The following ZUP1 variants were observed in gnomAD, a reference collection of about 807,000 sequenced individuals.
ZUP1 encodes the protein zinc finger-containing ubiquitin peptidase 1.
In ZUP1, 55 loss-of-function variants were observed where a neutral mutation model predicts 68.1. That is an observed-to-expected ratio of 0.81 (90% confidence interval 0.65 to 1.01). The LOEUF (loss-of-function observed/expected upper bound fraction) is 1.01, where lower values mean the gene tolerates loss of function less well. Among genes scored for constraint, ZUP1 ranks in the 50% least tolerant of loss-of-function variants. The pLI, the probability that ZUP1 is intolerant of heterozygous loss-of-function variation, is 0.00. For missense variants in ZUP1, 684 were observed against 674.9 expected, an observed-to-expected ratio of 1.01 and a Z score of -0.15; for synonymous variants, 223 against 221.5, an observed-to-expected ratio of 1.01 and a Z score of -0.06.
chr6:116,657,021 ACAC>A (rs772769416), intron 4 of ZUP1, among the ~76,000 whole-genome samples, 169 bp from the exon 5 acceptor site: 4,049 of 149,710 alleles, frequency 0.027, 169 homozygotes, highest in African/African-American at 0.084. Flanking sequence ...ACACACACAC[ACAC>A]AAAAAAAAAT....
chr6:116,656,630 A>C, intron 5 of ZUP1, 54 bp downstream of exon 5: 1 of 1,335,998 alleles, frequency 7.5e-7, no homozygotes, highest in South Asian at 1.4e-5. Context: ...TCTGATTATT[A>C]CTTCAGTGGT....
At chr6:116,657,020 C>T (rs1776690117) in intron 4 of ZUP1, among the ~76,000 whole-genome samples, 168 bp from the exon 5 acceptor site, 2 of 142,464 alleles carry the variant, frequency 1.4e-5, no homozygotes, top group African/African-American at 5.8e-5. Flanking sequence ...CACACACACA[C>T]ACACAAAAAA....
chr6:116,642,953 A>C (rs1224865444), intron 9 of ZUP1, among the ~76,000 whole-genome samples: 2 of 152,242 alleles, frequency 1.3e-5, no homozygotes, highest in Admixed American at 1.3e-4. Flanking sequence ...GTCTCAGCCC[A>C]AAATCTCCTT....
chr6:116,655,239 C>A (rs998561686), intron 5 of ZUP1, among the ~76,000 whole-genome samples: 45 of 152,096 alleles, frequency 3.0e-4, no homozygotes, highest in African/African-American at 1.1e-3. Context: ...AGCTACAATT[C>A]ATACAAGGAA....
intron 5 of ZUP1, among the ~76,000 whole-genome samples, chr6:116,653,835 C>A (rs1312377189): frequency 6.6e-6 from 1 of 151,872 alleles, no homozygotes; most frequent in Non-Finnish European, 1.5e-5. Context: ...TGTTACATAT[C>A]AGATGGAGAG....
chr6:116,636,126 G>C (rs1380033379), intron 9 of ZUP1, among the ~76,000 whole-genome samples: 1 of 152,024 alleles, frequency 6.6e-6, no homozygotes, highest in Non-Finnish European at 1.5e-5. Flanking sequence ...CTTTTTTGTG[G>C]AATAATGAGT....
chr6:116,640,186 T>C lies in ZUP1; in HGVS notation c.1690-4307A>G, dbSNP rs1426841146. Among the ~76,000 whole-genome samples the C allele has an allele frequency of 2.6e-5, 4 of 152,142 alleles. No homozygotes were observed. The East Asian group carries it at 5.8e-4, about 22-fold the overall frequency. On this transcript the variant is annotated intron_variant, in intron 9 of 9. Transcript: ENST00000368576. ...AAAGCCTCCAAGAAATATGGGACTA[T>C]GTGAAAAGACCAAATCTACGTCTGA... is the stretch of plus-strand genomic sequence containing the variant.
At chr6:116,656,584 G>T in intron 5 of ZUP1, 100 bp downstream of exon 5, 1 of 902,324 alleles carries the variant, frequency 1.1e-6, no homozygotes, top group Non-Finnish European at 1.6e-6. Flanking sequence ...AAATATTTGT[G>T]CACAGATTAT....
chr6:116,642,240 C>T (rs901978197), intron 9 of ZUP1, among the ~76,000 whole-genome samples: 47 of 152,064 alleles, frequency 3.1e-4, no homozygotes, highest in Non-Finnish European at 5.6e-4. Flanking sequence ...GATTCACAGC[C>T]GAATTCTACC....
At chr6:116,636,548 A>G (rs957033674) in intron 9 of ZUP1, among the ~76,000 whole-genome samples, 1 of 152,192 alleles carries the variant, frequency 6.6e-6, no homozygotes, top group African/African-American at 2.4e-5. Flanking sequence ...AATTGCTCCA[A>G]CATCTAGAAC....
intron 9 of ZUP1, among the ~76,000 whole-genome samples, chr6:116,640,874 A>G (rs1776074874): frequency 6.6e-6 from 1 of 150,412 alleles, no homozygotes; most frequent in Non-Finnish European, 1.5e-5. Flanking sequence ...AAATGCTCCA[A>G]TTAAAAGACA....
chr6:116,644,675 T>A (rs1206748098), intron 9 of ZUP1, among the ~76,000 whole-genome samples: 1 of 149,750 alleles, frequency 6.7e-6, no homozygotes, highest in South Asian at 2.1e-4. Context: ...AACATCACAC[T>A]CTGGGGACTG....
chr6:116,653,857 T>C (rs958000486), intron 5 of ZUP1, among the ~76,000 whole-genome samples: 1 of 151,984 alleles, frequency 6.6e-6, no homozygotes, highest in Non-Finnish European at 1.5e-5. Context: ...AACACTGTCT[T>C]AGCAACATCA....
intron 2 of ZUP1, among the ~76,000 whole-genome samples, chr6:116,665,569 C>CTTTTT (rs753039436): frequency 2.7e-5 from 3 of 111,578 alleles, no homozygotes; most frequent in Non-Finnish European, 5.5e-5. Flanking sequence ...AAAAATTTTT[C>CTTTTT]TTTTTTTTTT....
At chr6:116,652,245 C>G (rs1262507288) in intron 5 of ZUP1, 53 bp from the exon 6 acceptor site, 4 of 1,412,916 alleles carry the variant, frequency 2.8e-6, no homozygotes, top group East Asian at 4.7e-5. Flanking sequence ...ATATTGCTAT[C>G]TCATACATTT....
At chr6:116,644,162 T>C (rs1486393914) in intron 9 of ZUP1, among the ~76,000 whole-genome samples, 7 of 152,172 alleles carry the variant, frequency 4.6e-5, no homozygotes, top group Non-Finnish European at 7.3e-5. Flanking sequence ...CCAGTTAGAA[T>C]GTCAATCATT....
chr6:116,648,348 C>G (rs1776378790), intron 7 of ZUP1, among the ~76,000 whole-genome samples: 1 of 152,176 alleles, frequency 6.6e-6, no homozygotes, highest in Non-Finnish European at 1.5e-5. Context: ...CACAGATATC[C>G]TGTTCTTGTT....
At chr6:116,643,324 T>C (rs1220715129) in intron 9 of ZUP1, among the ~76,000 whole-genome samples, 1 of 151,618 alleles carries the variant, frequency 6.6e-6, no homozygotes, top group African/African-American at 2.4e-5. Flanking sequence ...CTTCACAGAA[T>C]TGGAAAAAAC....
At chr6:116,660,548 G>A (rs868550415) in intron 3 of ZUP1, among the ~76,000 whole-genome samples, 188 bp downstream of exon 3, 1 of 152,102 alleles carries the variant, frequency 6.6e-6, no homozygotes. Context: ...AACAATTTTC[G>A]CTGACCAAAT....
Sources: gnomAD v4.1 joint callset for allele counts (sites outside exome capture counted in the v4.1 genomes callset) on GRCh38, gnomAD v4.1.1 for gene constraint, MANE v1.5 for transcripts, NCBI Gene and HGNC (gene_info 2026-07-23, HGNC 2026-07-21) for gene names.